Variants in PRAMEF8 observed in about 807,000 individuals in gnomAD.
PRAMEF8 encodes putative PRAME family member 24.
Under a neutral mutation model 16.6 loss-of-function variants are expected in PRAMEF8, and 1 was observed. That is an observed-to-expected ratio of 0.06 (90% CI 0.02 to 0.29). The LOEUF is 0.29. Ranked by LOEUF, PRAMEF8 falls within the 10% of genes least tolerant of loss-of-function variation. The pLI, the probability that PRAMEF8 is intolerant of heterozygous loss-of-function variation, is 1.00. For missense variants in PRAMEF8, 14 were observed against 336.8 expected, an observed-to-expected ratio of 0.04 and a Z score of 7.50; for synonymous variants, 4 against 145.4, an observed-to-expected ratio of 0.03 and a Z score of 7.00.
Position 13,282,966 on chromosome 1 carries a change from TG to T in PRAMEF8, c.743del (p.Pro248GlnfsTer52), listed in dbSNP as rs1330620764. ...GGGCAATGAACTGCCCCTTGTTGTC[TG>T]GGGGAATGCAGGCAGATGCACGGAT... On this transcript the variant is annotated frameshift_variant, in exon 3 of 4. Coordinates refer to ENST00000357367, the Ensembl canonical transcript of PRAMEF8. LOFTEE classifies it high-confidence loss of function. The T allele has an allele frequency of 2.4e-5, 11 of 450,442 alleles. No individual in the cohort carries two copies. In the Admixed American group the frequency reaches 4.5e-4, roughly 19 times the overall value. 27.9% of individuals were successfully genotyped at this position (450,442 alleles called of 1,614,324 possible).
chr1:13,282,063 ACT>A lies in PRAMEF8; in HGVS notation c.864-133_864-132del, dbSNP rs1639607886. On this transcript the variant is annotated intron_variant, in intron 3 of 3. Transcript: ENST00000357367. Reference sequence around the variant, plus strand: ...CAGCACCTGGGGTGTGGGAATGGAGACTCTGTTCCTTCAGTGCAGTCCCAATC... The same window carrying A: ...CAGCACCTGGGGTGTGGGAATGGAGACTGTTCCTTCAGTGCAGTCCCAATC... 2.4e-5 allele frequency: 27 copies of A among 1,120,606 alleles called. 1 individual carries two copies. The highest frequency in any genetic ancestry group is 4.8e-5 in the East Asian group (2 of 42,008). 69.4% of individuals were successfully genotyped at this position (1,120,606 alleles called of 1,614,324 possible).
intron 2 of PRAMEF8, 147 bp downstream of exon 2, chr1:13,283,657 GC>G: frequency 2.0e-6 from 1 of 506,202 alleles, no homozygotes; most frequent in Non-Finnish European, 3.4e-6. Context: ...TCCCAGAGGG[GC>G]TGGGCAATGG....
intron 3 of PRAMEF8, chr1:13,282,423 CAT>C (rs1557431454): frequency 4.3e-6 from 1 of 230,712 alleles, no homozygotes; most frequent in Non-Finnish European, 8.5e-6. Context: ...GACAGGGAAA[CAT>C]AGGATTTTGC....
chr1:13,282,107 CCA>C, intron 3 of PRAMEF8, 175 bp from the exon 4 acceptor site: 3 of 717,810 alleles, frequency 4.2e-6, no homozygotes, highest in East Asian at 2.7e-5. Context: ...CAGTCCTTCA[CCA>C]TCACCGAGGT....
chr1:13,283,607 TTC>T, intron 2 of PRAMEF8, 185 bp from the exon 3 acceptor site: 1 of 434,500 alleles, frequency 2.3e-6, no homozygotes, highest in Admixed American at 5.1e-5. Context: ...GAAGAGAAGT[TTC>T]TGTTTCCTCA....
exon 2 of PRAMEF8, chr1:13,283,871 T>C: frequency 6.3e-7 from 1 of 1,590,564 alleles, no homozygotes; most frequent in Non-Finnish European, 8.6e-7. Context: ...TGACTCCAGA[T>C]GAGGCGACTT....
rs1639619731 is a variant in PRAMEF8 at position 13,282,938 on chromosome 1, ATCGGGCAATGAAC to A, written c.759_771del (p.Gln253HisfsTer43). 2 of 484,494 alleles carry A rather than the reference ATCGGGCAATGAAC, an allele frequency of 4.1e-6. No individual in the cohort carries two copies. Among genetic ancestry groups the A allele is most frequent in the Non-Finnish European group, 7.2e-6 (2 of 276,020 alleles). 30.0% of individuals were successfully genotyped at this position (484,494 alleles called of 1,614,324 possible). A position where few individuals can be genotyped will look rare whatever the true frequency, so the allele number is the denominator to read the frequency against. On this transcript the variant is annotated frameshift_variant, in exon 3 of 4. Transcript: ENST00000357367. LOFTEE classifies it high-confidence loss of function. ...TCCAGCTTGAGGAACTGAGAGGTGA[ATCGGGCAATGAAC>A]TGCCCCTTGTTGTCTGGGGGAATGC...
chr1:13,282,662 CTT>C (rs1188023614), intron 3 of PRAMEF8, 183 bp downstream of exon 3: 2 of 830,642 alleles, frequency 2.4e-6, no homozygotes, highest in African/African-American at 3.3e-5. Context: ...ATCCCTCTGA[CTT>C]TATTGGGATG....
At position 13,283,184 on chromosome 1, in the gene PRAMEF8, G is replaced by GT; in HGVS notation, c.525dup (p.Leu176ThrfsTer28). ...TGCAGCTCCTTGCAACACACATGCA[G>GT]TAAGCCTTTTCTCTGCTTGCCCCAC... On this transcript the variant is annotated frameshift_variant, in exon 3 of 4. Transcript: ENST00000357367. LOFTEE classifies it high-confidence loss of function. The GT allele has an allele frequency of 4.9e-6, 1 of 203,418 alleles. No homozygotes were observed. Among genetic ancestry groups the GT allele is most frequent in the Non-Finnish European group, 8.7e-6 (1 of 115,266 alleles). 12.6% of individuals were successfully genotyped at this position (203,418 alleles called of 1,614,324 possible). A position where few individuals can be genotyped will look rare whatever the true frequency, so the allele number is the denominator to read the frequency against.
chr1:13,281,833 T>G, exon 4 of PRAMEF8: 1 of 1,611,782 alleles, frequency 6.2e-7, no homozygotes, highest in South Asian at 1.1e-5. Context: ...CCAGCTCCTT[T>G]AATTGACGGA....
chr1:13,283,764 ACAAAAGGGC>A, intron 2 of PRAMEF8, 32 bp downstream of exon 2: 1 of 1,172,236 alleles, frequency 8.5e-7, no homozygotes, highest in East Asian at 2.5e-5. Context: ...CCTACCCTGG[ACAAAAGGGC>A]CCTCCCCACC....
chr1:13,284,212 GA>G, intron 1 of PRAMEF8, 96 bp from the exon 2 acceptor site: 2 of 691,596 alleles, frequency 2.9e-6, no homozygotes, highest in Non-Finnish European at 4.7e-6. Flanking sequence ...GGTGGAGGTG[GA>G]AAAGCCCTCA....
At chr1:13,281,787 C>T in exon 4 of PRAMEF8, 1 of 1,611,122 alleles carries the variant, frequency 6.2e-7, no homozygotes, top group Non-Finnish European at 8.5e-7. Context: ...GTGAGGGGCT[C>T]AGGGCTGAAA....
intron 3 of PRAMEF8, chr1:13,282,514 TC>T (rs1156698589): frequency 6.6e-6 from 2 of 301,642 alleles, no homozygotes; most frequent in African/African-American, 4.4e-5. Flanking sequence ...AGTGCCCTCT[TC>T]ACCTCCCTAT....
At position 13,283,729 on chromosome 1, in the gene PRAMEF8, C is replaced by CCCT; in HGVS notation, c.287+73_287+75dup. 4.7e-5 allele frequency: 38 copies of CCCT among 801,450 alleles called. No homozygotes were observed. In the South Asian group the frequency reaches 5.6e-4, roughly 12 times the overall value. The allele number at this position is 801,450 out of a possible 1,614,324, so 49.6% of individuals were successfully genotyped here. A position where few individuals can be genotyped will look rare whatever the true frequency, so the allele number is the denominator to read the frequency against. On this transcript the variant is annotated intron_variant, in intron 2 of 3. Transcript: ENST00000357367. ...AGAAACCTCTGGGCCTCCATGGTGCCCCTCCTCCTCCTGAAACAGCTGTCC... is the reference window on the plus strand; with the variant it reads ...AGAAACCTCTGGGCCTCCATGGTGCCCCTCCTCCTCCTCCTGAAACAGCTGTCC...
intron 3 of PRAMEF8, chr1:13,282,600 CA>C (rs1460488637): frequency 3.2e-6 from 2 of 625,350 alleles, no homozygotes; most frequent in Admixed American, 5.9e-5. Context: ...CTAAACCCTG[CA>C]GTAGCTAGCT....
At chr1:13,281,726 T>C in exon 4 of PRAMEF8, 1 of 1,609,818 alleles carries the variant, frequency 6.2e-7, no homozygotes, top group Non-Finnish European at 8.5e-7. Flanking sequence ...GATCCCACAG[T>C]CCTCTAAGTC....
At chr1:13,281,992 T>A in intron 3 of PRAMEF8, 60 bp from the exon 4 acceptor site, 1 of 1,575,756 alleles carries the variant, frequency 6.3e-7, no homozygotes, top group Non-Finnish European at 8.7e-7. Flanking sequence ...GGGTGAGAGA[T>A]GATGCTCTCC....
chr1:13,284,176 TCTC>T, intron 1 of PRAMEF8, 60 bp from the exon 2 acceptor site: 1 of 928,028 alleles, frequency 1.1e-6, no homozygotes, highest in Non-Finnish European at 1.7e-6. Context: ...CACCTCATCT[TCTC>T]CTATTGCTAA....
Sources: gnomAD v4.1 joint callset for allele counts on GRCh38, gnomAD v4.1.1 for gene constraint, MANE v1.5 for transcripts, NCBI Gene and HGNC (gene_info 2026-07-23, HGNC 2026-07-21) for gene names.